TTC16: variants seen among roughly 807,000 people sequenced by gnomAD.
TTC16 encodes tetratricopeptide repeat domain 16.
A neutral mutation model predicts 80.4 loss-of-function variants in TTC16; 66 were observed. The ratio of observed to expected loss-of-function variants is 0.82; its 90% CI spans 0.67 to 1.01. The LOEUF is 1.01. Among genes scored for constraint, TTC16 ranks in the 50% least tolerant of loss-of-function variants. The probability of loss-of-function intolerance (pLI) is 0.00; values close to 1 mark genes in which losing one functional copy is unlikely to be tolerated. For synonymous variants in TTC16, 438 were observed against 451.3 expected (o/e 0.97, Z 0.37); for missense variants, 1,070 against 1,103.2 (o/e 0.97, Z 0.43).
In TTC16 at chr9:127,729,567, G is replaced by A. The variant is rs771467502; in HGVS notation, c.1765-14G>A. On this transcript the variant is annotated splice_polypyrimidine_tract_variant and intron_variant, in intron 12 of 13. Transcript: ENST00000373289. ...TCCTACCATCTGAACTACAAAGCCT[G>A]TTTCTTGCCATAGGAGAAAAAATCA... 1.2e-6 allele frequency: 2 copies of A among 1,612,948 alleles called. No homozygotes were observed. The highest frequency in any genetic ancestry group is 8.5e-7 in the Non-Finnish European group (1 of 1,179,404).
At position 127,724,343 on chromosome 9, in the gene TTC16, G is replaced by A. The variant is rs777558099; in HGVS notation, c.1096G>A (p.Gly366Arg). The A allele has an allele frequency of 1.2e-6, 2 of 1,612,700 alleles. No homozygotes were observed. The highest frequency in any genetic ancestry group is 1.1e-5 in the South Asian group (1 of 91,030). The change falls in exon 8 of 14, where the codon GGA (glycine) becomes AGA (arginine). Residue 366 changes from glycine to arginine, a missense_variant. Gly to Arg is a moderately radical substitution (Grantham distance 125, BLOSUM62 -2). Coordinates refer to ENST00000373289, the MANE Select transcript of TTC16 (RefSeq NM_144965.3). The part of the protein sequence containing the change: ...KALRDEQQEK[G>R]LYINRGDCFF... Reference sequence around the variant, plus strand: ...CCTCCGGGACGAGCAGCAGGAGAAAGGACTCTACATCAACCGAGGCGGTGC... The same window carrying A: ...CCTCCGGGACGAGCAGCAGGAGAAAAGACTCTACATCAACCGAGGCGGTGC...
Position 127,727,312 on chromosome 9 carries a change from C to T in TTC16, c.1611C>T (p.Ala537=). 3 of 1,591,866 alleles carry T rather than the reference C, an allele frequency of 1.9e-6. No individual in the cohort carries two copies. The highest frequency in any genetic ancestry group is 2.6e-6 in the Non-Finnish European group (3 of 1,166,476). ...RHELERQKAL[A]LQHSWKQGEP... ...AGTTGGAGCGCCAGAAGGCCTTGGC[C>T]CTGCAGCACTCATGGAAGCAGGGGG... Residue 537 remains alanine (A), a synonymous_variant, in exon 12 of 14, where the codon GCC becomes GCT. Coordinates refer to ENST00000373289, the MANE Select transcript of TTC16 (RefSeq NM_144965.3).
At position 127,724,804 on chromosome 9, in the gene TTC16, A is replaced by G; in HGVS notation, c.1166A>G (p.Gln389Arg). The part of the protein sequence containing the change: ...GNLAFAEADY[Q>R]QALALSPQDE... Reference sequence around the variant, plus strand: ...CTGGCCTTTGCCGAGGCGGACTACCAGCAGGCGCTGGCGCTGAGCCCTCAG... The same window carrying G: ...CTGGCCTTTGCCGAGGCGGACTACCGGCAGGCGCTGGCGCTGAGCCCTCAG... Residue 389 changes from glutamine to arginine, a missense_variant, in exon 9 of 14, where the codon CAG becomes CGG. Coordinates refer to ENST00000373289, the MANE Select transcript of TTC16 (RefSeq NM_144965.3). The G allele has an allele frequency of 6.2e-7, 1 of 1,610,312 alleles. No homozygotes were observed. The highest frequency in any genetic ancestry group is 8.5e-7 in the Non-Finnish European group (1 of 1,179,122).
Position 127,731,149 on chromosome 9 carries a change from A to G in TTC16, c.2366A>G (p.Asp789Gly). 2 of 1,612,326 alleles carry G rather than the reference A, an allele frequency of 1.2e-6. No individual in the cohort carries two copies. The highest frequency in any genetic ancestry group is 1.1e-5 in the South Asian group (1 of 91,002). Residue 789 changes from aspartate to glycine, a missense_variant, in exon 14 of 14, where the codon GAT (aspartate) becomes GGT (glycine). Asp to Gly is a moderately conservative substitution (Grantham distance 94). Coordinates refer to ENST00000373289, the MANE Select transcript of TTC16 (RefSeq NM_144965.3). ...CGGAGCTGGAGACCCAGCAAGGTTG[A>G]TGCCACCCAGGGCCGAAGCAGGGGA... Reference protein sequence around the residue: ...RGRSWRPSKVDATQGRSRGLL... With the variant: ...RGRSWRPSKVGATQGRSRGLL...
rs765320647 is a variant in TTC16, at chr9:127,731,468, C to T, written c.*63C>T. On this transcript the variant is annotated 3_prime_UTR_variant, in exon 14 of 14. Coordinates refer to ENST00000373289, the MANE Select transcript of TTC16 (RefSeq NM_144965.3). ...GACGAGTTCTACCCACCTCCCCACA[C>T]TGGCACTCAGCCAGCTGCCTCCTTC... is the stretch of plus-strand genomic sequence containing the variant. The T allele has an allele frequency of 5.1e-5, 78 of 1,535,234 alleles. No individual in the cohort carries two copies. The highest frequency in any genetic ancestry group is 6.5e-5 in the Non-Finnish European group (74 of 1,142,382).
At chr9:127,724,615 A>G in intron 8 of TTC16, 141 bp from the exon 9 acceptor site, 1 of 1,261,252 alleles carries the variant, frequency 7.9e-7, no homozygotes, top group Non-Finnish European at 1.1e-6. Flanking sequence ...AGACGCCCAG[A>G]AAACTAGAGA....
In TTC16 at chr9:127,723,278, C is replaced by A. The variant is rs539719878; in HGVS notation, c.817C>A (p.Arg273=). 6.2e-7 allele frequency: 1 copy of A among 1,612,960 alleles called. No homozygotes were observed. The highest frequency in any genetic ancestry group is 8.5e-7 in the Non-Finnish European group (1 of 1,180,028). The change falls in exon 7 of 14, where the codon CGG becomes AGG. Residue 273 remains arginine (R), a synonymous_variant. Transcript: ENST00000373289. ...GGGCAAGCTGCAGCACGCACTGCAG[C>A]GGATCAACCGTGCCATCGAGAACAA... ...VQGKLQHALQ[R]INRAIENNPL...
At chr9:127,730,494 G>C in intron 13 of TTC16, 142 bp from the exon 14 acceptor site, 1 of 1,287,274 alleles carries the variant, frequency 7.8e-7, no homozygotes, top group Non-Finnish European at 1.0e-6. Context: ...GGGCTGGGCG[G>C]GGGTGATCTG....
rs1037492379 is a variant in TTC16, at chr9:127,722,827, G to C, written c.658-292G>C. On this transcript the variant is annotated intron_variant, in intron 6 of 13. Coordinates refer to ENST00000373289, the MANE Select transcript of TTC16 (RefSeq NM_144965.3). The surrounding 1 kb of genome is among the most constrained non-coding windows in gnomAD (Gnocchi z 4.2). The stretch of plus-strand genomic sequence containing the variant: ...ATACAAAAATACAAAAATTAGCCAG[G>C]TGTGGTGGCACGCACCTGTAGTCCC... Among the ~76,000 whole-genome samples, 1 of 152,062 alleles carries C rather than the reference G, an allele frequency of 6.6e-6. No homozygotes were observed. Among genetic ancestry groups the C allele is most frequent in the African/African-American group, 2.4e-5 (1 of 41,384 alleles).
At chr9:127,720,476 G>A in intron 6 of TTC16, 81 bp downstream of exon 6, 2 of 1,573,500 alleles carry the variant, frequency 1.3e-6, no homozygotes, top group South Asian at 1.1e-5. Flanking sequence ...GAAGAGGCAA[G>A]GCTGTCAGCC....
chr9:127,725,330 C>G (rs1034861754), intron 9 of TTC16, among the ~76,000 whole-genome samples: 18 of 150,906 alleles, frequency 1.2e-4, no homozygotes, highest in Admixed American at 9.9e-4. Context: ...TTTGGGAGGC[C>G]GAGGCGGGCG....
At chr9:127,717,107 G>C in intron 2 of TTC16, 91 bp downstream of exon 2, 2 of 1,517,382 alleles carry the variant, frequency 1.3e-6, no homozygotes, top group Non-Finnish European at 1.8e-6. Context: ...CTCTCTTCAG[G>C]CCTCAGTGAA....
chr9:127,724,675 C>G, intron 8 of TTC16, 81 bp from the exon 9 acceptor site: 1 of 1,527,966 alleles, frequency 6.5e-7, no homozygotes, highest in Non-Finnish European at 8.8e-7. Flanking sequence ...CAGGCCCTGG[C>G]CCCCGGGCTG....
At chr9:127,717,102 T>G in intron 2 of TTC16, 86 bp downstream of exon 2, 11 of 1,534,648 alleles carry the variant, frequency 7.2e-6, no homozygotes, top group Non-Finnish European at 9.8e-6. Context: ...ACTTACTCTC[T>G]TCAGGCCTCA....
Position 127,722,982 on chromosome 9 carries a change from A to AT in TTC16, c.658-137_658-136insT, listed in dbSNP as rs1200724109. On this transcript the variant is annotated intron_variant, in intron 6 of 13. Transcript: ENST00000373289. This position sits in a 1 kb window ranked among gnomAD's most constrained non-coding sequence, Gnocchi z 4.2. The stretch of plus-strand genomic sequence containing the variant: ...GAATCCATCTCAAAAAAAAAAAAAA[A>AT]GCAGAAAGGGTGGAACATGGAGGGA... 2.6e-5 allele frequency: 21 copies of AT among 803,022 alleles called. No homozygotes were observed. Among genetic ancestry groups the AT allele is most frequent in the Non-Finnish European group, 3.8e-5 (20 of 522,228 alleles). The allele number at this position is 803,022 out of a possible 1,614,324, so 49.7% of individuals were successfully genotyped here. A position where few individuals can be genotyped will look rare whatever the true frequency, so the allele number is the denominator to read the frequency against.
rs1844353345 is a variant in TTC16 at position 127,730,795 on chromosome 9, A to G, written c.2012A>G (p.Lys671Arg). Residue 671 changes from lysine to arginine, a missense_variant, in exon 14 of 14, where the codon AAA becomes AGA. Lys to Arg is a conservative substitution (Grantham distance 26). Transcript: ENST00000373289. ...GAGGCACTAAGCCATGGTCCCAGAA[A>G]AATCAAGGCCACCCAGGGCCAGAGG... ...NREALSHGPR[K>R]IKATQGQRQS... The G allele has an allele frequency of 1.9e-6, 3 of 1,613,696 alleles. No individual in the cohort carries two copies. The highest frequency in any genetic ancestry group is 1.7e-5 in the Admixed American group (1 of 60,014).
At chr9:127,727,212 T>C (rs1031896137) in intron 11 of TTC16, 58 bp from the exon 12 acceptor site, 2 of 1,529,998 alleles carry the variant, frequency 1.3e-6, no homozygotes, top group Non-Finnish European at 1.8e-6. Context: ...GTCTAGTCCT[T>C]GGAGAGACCA....
At chr9:127,728,056 C>T (rs1467780961) in intron 12 of TTC16, 1 of 152,286 alleles carries the variant, frequency 6.6e-6, no homozygotes, top group African/African-American at 2.4e-5. Context: ...AAATTTGTTT[C>T]TGAAAACCTC....
In TTC16 at chr9:127,717,758, G is replaced by C; in HGVS notation, c.412G>C (p.Val138Leu). Reference sequence around the variant, plus strand: ...CAAGCACCTGGAGCGCCTCACCTTTGTGCTCTACCTACAGGTGCCTGGGGC... The same window carrying C: ...CAAGCACCTGGAGCGCCTCACCTTTCTGCTCTACCTACAGGTGCCTGGGGC... Reference protein sequence around the residue: ...NCKHLERLTFVLYLQGQCLFE... With the variant: ...NCKHLERLTFLLYLQGQCLFE... The change falls in exon 4 of 14, where the codon GTG becomes CTG. Residue 138 changes from valine to leucine, a missense_variant. Physicochemically the swap from Val to Leu is conservative, Grantham distance 32. Transcript: ENST00000373289. 1 of 1,613,474 alleles carries C rather than the reference G, an allele frequency of 6.2e-7. No individual in the cohort carries two copies. The highest frequency in any genetic ancestry group is 8.5e-7 in the Non-Finnish European group (1 of 1,179,920).
Sources: gnomAD v4.1 joint callset for allele counts (sites outside exome capture counted in the v4.1 genomes callset) on GRCh38, gnomAD v4.1.1 for gene constraint, Gnocchi (gnomAD v3.1) non-coding constraint, MANE v1.5 for transcripts, NCBI Gene and HGNC (gene_info 2026-07-23, HGNC 2026-07-21) for gene names.